The following FARS2 variants were observed in gnomAD, a reference collection of about 807,000 sequenced individuals.
FARS2 encodes the protein phenylalanyl-tRNA synthetase 2, mitochondrial, also known as phenylalanine--tRNA ligase, mitochondrial.
In FARS2, 40 loss-of-function variants were observed where a neutral mutation model predicts 46.4. The observed-to-expected ratio is 0.86, with a 90% CI of 0.67 to 1.12. The LOEUF is 1.12. FARS2 is among the 50% of genes most tolerant of loss of function. FARS2 has a pLI of 0.00. For synonymous variants in FARS2, 234 were observed against 214.9 expected (o/e 1.09, Z -0.78); for missense variants, 513 against 567.9 (o/e 0.90, Z 0.98).
intron 4 of FARS2, among the ~76,000 whole-genome samples, chr6:5,453,732 T>TTGCCAGG (rs1389696951): frequency 6.6e-6 from 1 of 152,230 alleles, no homozygotes; most frequent in African/African-American, 2.4e-5. Context: ...GTGTGGCAGG[T>TTGCCAGG]TGCCAGGTGC....
At chr6:5,659,062 G>T (rs1376735370) in intron 6 of FARS2, among the ~76,000 whole-genome samples, 2 of 152,150 alleles carry the variant, frequency 1.3e-5, no homozygotes, top group Non-Finnish European at 2.9e-5. Flanking sequence ...ACCATTCTTA[G>T]CAGTACCTCA....
Position 5,323,797 on chromosome 6 carries a change from C to T in FARS2, c.-21-44753C>T, listed in dbSNP as rs552704109. 1.9e-4 allele frequency among the ~76,000 whole-genome samples: 29 copies of T among 152,302 alleles called. No individual in the cohort carries two copies. The South Asian group carries it at 5.8e-3, about 30-fold the overall frequency. On this transcript the variant is annotated intron_variant, in intron 1 of 6. Transcript: ENST00000274680. ...GGACAAGCACTGTCATTTTAAAATT[C>T]ACCTTGATCAGAAACCGCCTAAATC...
intron 3 of FARS2, among the ~76,000 whole-genome samples, chr6:5,415,548 C>T (rs1323084982): frequency 6.6e-6 from 1 of 151,782 alleles, no homozygotes; most frequent in Admixed American, 6.6e-5. Context: ...AACTCCTGAC[C>T]TCAGGTGATT....
At position 5,415,903 on chromosome 6, in the gene FARS2, C is replaced by T. The variant is rs140088493; in HGVS notation, c.772+11202C>T. Among the ~76,000 whole-genome samples the T allele has an allele frequency of 7.6e-4, 116 of 152,160 alleles. 2 individuals are homozygous for T. The South Asian group carries it at 0.011, about 14-fold the overall frequency. On this transcript the variant is annotated intron_variant, in intron 3 of 6. Transcript: ENST00000274680. ...TTTATATTTTGTAGAGATGGGGTCT[C>T]ACTATATTGTCCAGGCTGGTCTTGA...
At chr6:5,481,563 A>G (rs767348608) in intron 4 of FARS2, among the ~76,000 whole-genome samples, 2 of 152,332 alleles carry the variant, frequency 1.3e-5, no homozygotes, top group African/African-American at 2.4e-5. Flanking sequence ...ATCTGTGCCC[A>G]TTAAGTTGAC....
At chr6:5,550,047 C>T (rs777049887) in intron 5 of FARS2, among the ~76,000 whole-genome samples, 11 of 152,156 alleles carry the variant, frequency 7.2e-5, no homozygotes, top group South Asian at 2.1e-4. Context: ...GCACCTGAAG[C>T]GAGGTACCTA....
chr6:5,443,941 A>G (rs777193292), intron 4 of FARS2, among the ~76,000 whole-genome samples: 1 of 152,014 alleles, frequency 6.6e-6, no homozygotes, highest in Non-Finnish European at 1.5e-5. Context: ...TGACTTTTTT[A>G]CTTCCCTCCC....
intron 4 of FARS2, among the ~76,000 whole-genome samples, chr6:5,527,631 A>T (rs1197746587): frequency 6.6e-6 from 1 of 152,246 alleles, no homozygotes; most frequent in East Asian, 1.9e-4. Context: ...TTGAATAATG[A>T]TCATTTTAAT....
intron 1 of FARS2, among the ~76,000 whole-genome samples, chr6:5,321,196 C>T (rs578200480): frequency 2.6e-5 from 4 of 152,352 alleles, no homozygotes; most frequent in African/African-American, 9.6e-5. Flanking sequence ...CAGTTACTCT[C>T]CTGATGTCAC....
At chr6:5,354,853 C>A (rs891309930) in intron 1 of FARS2, among the ~76,000 whole-genome samples, 1 of 152,030 alleles carries the variant, frequency 6.6e-6, no homozygotes, top group Non-Finnish European at 1.5e-5. Context: ...ATGAGAATCA[C>A]CCTGAAGGGT....
intron 6 of FARS2, among the ~76,000 whole-genome samples, chr6:5,708,339 T>C (rs962269169): frequency 3.3e-5 from 5 of 152,168 alleles, no homozygotes; most frequent in African/African-American, 1.2e-4. Flanking sequence ...CACTCTCTTA[T>C]CAGGATGTGA....
intron 2 of FARS2, among the ~76,000 whole-genome samples, chr6:5,377,859 A>G (rs1759483366): frequency 6.6e-6 from 1 of 152,192 alleles, no homozygotes; most frequent in Non-Finnish European, 1.5e-5. Context: ...TGTACTTGGC[A>G]AAATAAAGCA....
At chr6:5,532,965 A>G (rs1382237637) in intron 4 of FARS2, among the ~76,000 whole-genome samples, 5 of 152,138 alleles carry the variant, frequency 3.3e-5, no homozygotes, top group Non-Finnish European at 7.4e-5. Context: ...TTCAATATGT[A>G]GTAGTTCAAG....
At chr6:5,591,903 G>C (rs1347216962) in intron 5 of FARS2, among the ~76,000 whole-genome samples, 3 of 152,186 alleles carry the variant, frequency 2.0e-5, no homozygotes, top group African/African-American at 7.2e-5. Flanking sequence ...TGTGGAAAAA[G>C]AGTATCTTAC....
At chr6:5,398,120 G>C (rs770167010) in intron 2 of FARS2, among the ~76,000 whole-genome samples, 27 of 152,082 alleles carry the variant, frequency 1.8e-4, no homozygotes, top group Non-Finnish European at 2.8e-4. Context: ...CCCCTTTGTA[G>C]TTAATAGTGT....
intron 6 of FARS2, among the ~76,000 whole-genome samples, chr6:5,735,092 A>G (rs1295941921): frequency 6.6e-6 from 1 of 152,376 alleles, no homozygotes; most frequent in East Asian, 1.9e-4. Flanking sequence ...TATTAATTTT[A>G]AAACAAAGTC....
At chr6:5,401,802 C>T (rs575773623) in intron 2 of FARS2, among the ~76,000 whole-genome samples, 10 of 152,020 alleles carry the variant, frequency 6.6e-5, no homozygotes, top group East Asian at 1.9e-4. Context: ...GTCTTGTTTC[C>T]GTGTTGTTTT....
intron 6 of FARS2, among the ~76,000 whole-genome samples, chr6:5,760,963 G>A (rs1762448900): frequency 6.6e-6 from 1 of 152,218 alleles, no homozygotes; most frequent in South Asian, 2.1e-4. Flanking sequence ...TGCGCCGTCT[G>A]AAGAGGTCCC....
At chr6:5,261,069 G>A (rs1418653799), upstream of FARS2, 2 of 543,884 alleles carry the variant, frequency 3.7e-6, no homozygotes, top group East Asian at 1.1e-4. Flanking sequence ...GGGGAAATAA[G>A]AGGACTGGCC....
Sources: allele counts gnomAD v4.1 joint callset (sites outside exome capture counted in the v4.1 genomes callset), GRCh38; gene constraint gnomAD v4.1.1; transcripts MANE v1.5; gene names NCBI Gene and HGNC (gene_info 2026-07-23, HGNC 2026-07-21).